The following PCDH9 variants were observed in gnomAD, a reference collection of about 807,000 sequenced individuals.
The protein encoded by PCDH9 is protocadherin-9.
Under a neutral mutation model 70.6 loss-of-function variants are expected in PCDH9, and 24 were observed. That is an observed-to-expected ratio of 0.34 (90% confidence interval 0.25 to 0.48). The LOEUF is 0.48. Among genes scored for constraint, PCDH9 ranks in the 20% least tolerant of loss-of-function variants. The pLI, the probability that PCDH9 is intolerant of heterozygous loss-of-function variation, is 0.99. For synonymous variants in PCDH9, 562 were observed against 558.5 expected (o/e 1.01, Z -0.09); for missense variants, 1,281 against 1,503.6 (o/e 0.85, Z 2.45).
chr13:66,380,764 C>G (rs529433552), intron 4 of PCDH9, among the ~76,000 whole-genome samples: 1 of 152,088 alleles, frequency 6.6e-6, no homozygotes, highest in South Asian at 2.1e-4. Flanking sequence ...AGGATGGTCT[C>G]GATCTCCTGA....
chr13:66,772,770 A>C (rs756017031), intron 3 of PCDH9, among the ~76,000 whole-genome samples: 1 of 152,114 alleles, frequency 6.6e-6, no homozygotes, highest in Non-Finnish European at 1.5e-5. Flanking sequence ...CTCAAATATT[A>C]AATATATAAT....
rs557536319 is a variant in PCDH9, at chr13:66,897,427, A to C, written c.3138+6077T>G. 1.8e-4 allele frequency among the ~76,000 whole-genome samples: 27 copies of C among 152,298 alleles called. 1 individual carries two copies. The South Asian group carries it at 5.6e-3, about 32-fold the overall frequency. ...GGAAGGGATGTCTAGTACCCTATCC[A>C]TGTTTACTTGACTTAAGGAACATAT... On this transcript the variant is annotated intron_variant, in intron 3 of 4. Coordinates refer to ENST00000377865, the MANE Select transcript of PCDH9 (RefSeq NM_203487.3).
intron 3 of PCDH9, among the ~76,000 whole-genome samples, chr13:66,762,673 T>C (rs1442012): frequency 0.97 from 147,630 of 152,000 alleles, 71,871 homozygotes; most frequent in East Asian, 1. Context: ...ATTGATGTTT[T>C]GGTTGGGAGA....
intron 4 of PCDH9, among the ~76,000 whole-genome samples, chr13:66,524,180 A>C (rs1960117712): frequency 6.6e-6 from 1 of 152,138 alleles, no homozygotes; most frequent in Non-Finnish European, 1.5e-5. Flanking sequence ...GTTAAAATCA[A>C]ATATATTGAA....
intron 2 of PCDH9, among the ~76,000 whole-genome samples, chr13:67,053,243 A>C (rs2085355663): frequency 6.6e-6 from 1 of 152,216 alleles, no homozygotes; most frequent in African/African-American, 2.4e-5. Context: ...TTGTCCAAAA[A>C]TAAATGCCAA....
At chr13:66,525,362 C>G (rs186849088) in intron 4 of PCDH9, among the ~76,000 whole-genome samples, 1 of 152,188 alleles carries the variant, frequency 6.6e-6, no homozygotes, top group Non-Finnish European at 1.5e-5. Context: ...ACTGGCCAGT[C>G]TCCTGCCAGT....
At chr13:66,629,872 C>T (rs918017951) in intron 4 of PCDH9, among the ~76,000 whole-genome samples, 1 of 152,042 alleles carries the variant, frequency 6.6e-6, no homozygotes, top group African/African-American at 2.4e-5. Context: ...AGAATCTGTC[C>T]TTTTTTTGAC....
At chr13:67,027,106 A>C (rs1358591541) in intron 2 of PCDH9, among the ~76,000 whole-genome samples, 2 of 152,066 alleles carry the variant, frequency 1.3e-5, no homozygotes, top group African/African-American at 4.8e-5. Context: ...CGCATTGCCA[A>C]GTCAATCCTA....
intron 4 of PCDH9, among the ~76,000 whole-genome samples, chr13:66,469,275 A>G (rs1409029662): frequency 6.6e-6 from 1 of 152,154 alleles, no homozygotes; most frequent in Non-Finnish European, 1.5e-5. Flanking sequence ...GCCCAAAAAG[A>G]AACATTTTGC....
rs17082065 is a variant in PCDH9, at chr13:67,036,932, A to T, written c.3037-133327T>A. ...GGAGAAAGCGCCATTATCATGCAGC[A>T]GTTGTCCGGATGAAATGGACATTTA... On this transcript the variant is annotated intron_variant, in intron 2 of 4. Transcript: ENST00000377865. Among the ~76,000 whole-genome samples, 494 of 152,336 alleles carry T rather than the reference A, an allele frequency of 3.2e-3. 4 individuals carry two copies. Among genetic ancestry groups the T allele is most frequent in the African/African-American group, 0.011 (441 of 41,578 alleles).
At chr13:66,845,713 G>A (rs2081196623) in intron 3 of PCDH9, among the ~76,000 whole-genome samples, 1 of 152,144 alleles carries the variant, frequency 6.6e-6, no homozygotes, top group Non-Finnish European at 1.5e-5. Flanking sequence ...CTGGCATCAC[G>A]GCAGTGGCTG....
chr13:67,156,558 T>A (rs1479225371), intron 2 of PCDH9, among the ~76,000 whole-genome samples: 1 of 151,854 alleles, frequency 6.6e-6, no homozygotes, highest in Admixed American at 6.6e-5. Flanking sequence ...GAAAACCATC[T>A]CCCTTCTGGC....
At position 67,227,577 on chromosome 13, in the gene PCDH9, C is replaced by G. The variant is rs1262486744; in HGVS notation, c.864G>C (p.Arg288=). ...GGGCGACCTGGGCACCAAAAATGTA[C>G]CGGATTTCAGCATTACTGCCTATAT... The part of the protein sequence containing the change: ...DADIGSNAEI[R]YIFGAQVAPA... The change falls in exon 2 of 5, where the codon CGG becomes CGC. Residue 288 remains arginine (R), a synonymous_variant. Coordinates refer to ENST00000377865, the MANE Select transcript of PCDH9 (RefSeq NM_203487.3). The surrounding 1 kb of genome is among the most constrained non-coding windows in gnomAD (Gnocchi z 4.6). The G allele has an allele frequency of 6.2e-7, 1 of 1,614,076 alleles. No individual in the cohort carries two copies.
intron 4 of PCDH9, among the ~76,000 whole-genome samples, chr13:66,312,008 C>G (rs530637305): frequency 1.6e-4 from 25 of 152,198 alleles, no homozygotes; most frequent in Admixed American, 1.6e-3. Flanking sequence ...ATTCAAAAGA[C>G]TATTGTATAG....
intron 3 of PCDH9, among the ~76,000 whole-genome samples, chr13:66,848,922 C>A (rs1397360173): frequency 3.3e-5 from 4 of 120,568 alleles, no homozygotes; most frequent in African/African-American, 1.4e-4. Context: ...AGCGAGACTC[C>A]GTCTCAAAAA....
chr13:66,563,274 C>T (rs2076603704), intron 4 of PCDH9, among the ~76,000 whole-genome samples: 1 of 152,148 alleles, frequency 6.6e-6, no homozygotes, highest in Admixed American at 6.5e-5. Flanking sequence ...GACCAAAAAC[C>T]TGAGTCATCC....
At chr13:66,679,187 T>A (rs1017207614) in intron 3 of PCDH9, among the ~76,000 whole-genome samples, 31 of 151,756 alleles carry the variant, frequency 2.0e-4, no homozygotes, top group African/African-American at 7.5e-4. Context: ...AATTATATTC[T>A]GAAAAACAAT....
At chr13:67,161,572 G>A (rs2087961205) in intron 2 of PCDH9, among the ~76,000 whole-genome samples, 1 of 152,222 alleles carries the variant, frequency 6.6e-6, no homozygotes, top group South Asian at 2.1e-4. Context: ...TGAACTCCAA[G>A]AGGAGTAAGT....
At chr13:67,198,917 TA>T (rs1024850221) in intron 2 of PCDH9, among the ~76,000 whole-genome samples, 5 of 151,710 alleles carry the variant, frequency 3.3e-5, no homozygotes, top group African/African-American at 1.2e-4. Context: ...TATAATTTTT[TA>T]AAAAAAGAAT....
Sources: allele counts gnomAD v4.1 joint callset (sites outside exome capture counted in the v4.1 genomes callset), GRCh38; gene constraint gnomAD v4.1.1; non-coding constraint Gnocchi (gnomAD v3.1); transcripts MANE v1.5; gene names NCBI Gene and HGNC (gene_info 2026-07-23, HGNC 2026-07-21).